The following TIE1 variants were observed in gnomAD, a reference collection of about 807,000 sequenced individuals.
TIE1 encodes tyrosine-protein kinase receptor Tie-1.
Under a neutral mutation model 130.5 loss-of-function variants are expected in TIE1, and 89 were observed. The observed-to-expected ratio is 0.68, with a 90% CI of 0.57 to 0.81. TIE1 has a LOEUF of 0.81. Among genes scored for constraint, TIE1 ranks in the 40% least tolerant of loss-of-function variants. The pLI is 0.00. For missense variants in TIE1, 1,392 were observed against 1,559.8 expected (o/e 0.89, Z 1.81); for synonymous variants, 568 against 629.4 (o/e 0.90, Z 1.46).
At chr1:43,314,124 A>T (rs748168119) in intron 14 of TIE1, 156 bp downstream of exon 14, 1 of 922,090 alleles carries the variant, frequency 1.1e-6, no homozygotes, top group East Asian at 2.7e-5. Flanking sequence ...AAGGGTACAA[A>T]ATATAATTTT....
rs1283969372 is a variant in TIE1, at chr1:43,316,218, C to G, written c.2410-981C>G. The stretch of plus-strand genomic sequence containing the variant: ...GTCCCAGATGCACGTGTCCCTATGC[C>G]TGTGCACCTTCAGGCCTGCATGTGT... On this transcript the variant is annotated intron_variant, in intron 14 of 22. Transcript: ENST00000372476. The surrounding 1 kb of genome is among the most constrained non-coding windows in gnomAD (Gnocchi z 4.4). Among the ~76,000 whole-genome samples the G allele has an allele frequency of 1.3e-5, 2 of 152,226 alleles. No individual in the cohort carries two copies. The highest frequency in any genetic ancestry group is 4.8e-5 in the African/African-American group (2 of 41,460).
In TIE1 at chr1:43,318,259, A is replaced by G. The variant is rs1646880891; in HGVS notation, c.2922+187A>G. Among the ~76,000 whole-genome samples, 1 of 152,136 alleles carries G rather than the reference A, an allele frequency of 6.6e-6. No individual in the cohort carries two copies. Among genetic ancestry groups the G allele is most frequent in the African/African-American group, 2.4e-5 (1 of 41,450 alleles). ...TCTGGAGGAGGTGGGGACTTCCAGT[A>G]TGGAGGGTGCGGGTGTTGAGTGAGC... On this transcript the variant is annotated intron_variant, in intron 17 of 22. Transcript: ENST00000372476. This position sits in a 1 kb window ranked among gnomAD's most constrained non-coding sequence, Gnocchi z 4.4.
chr1:43,313,242 G>A lies in TIE1; in HGVS notation c.2035G>A (p.Val679Met), dbSNP rs1473108002. The change falls in exon 13 of 23, where the codon GTG becomes ATG. Residue 679 changes from valine (V) to methionine (M), a missense_variant. Transcript: ENST00000372476. The surrounding 1 kb of genome is among the most constrained non-coding windows in gnomAD (Gnocchi z 6.2). ...ALPGPISKYVVEVQVAGGAGD... is the reference protein window; with the variant it reads ...ALPGPISKYVMEVQVAGGAGD... Reference sequence around the variant, plus strand: ...GCCTGGGCCAATATCCAAGTACGTTGTGGAGGTGCAGGTGGCTGGGGGTGC... The same window carrying A: ...GCCTGGGCCAATATCCAAGTACGTTATGGAGGTGCAGGTGGCTGGGGGTGC... The A allele has an allele frequency of 1.9e-6, 3 of 1,613,918 alleles. No individual in the cohort carries two copies. The highest frequency in any genetic ancestry group is 3.3e-5 in the Admixed American group (2 of 59,996).
chr1:43,319,564 G>A lies in TIE1; in HGVS notation c.3107+35G>A. 6.2e-7 allele frequency: 1 copy of A among 1,606,848 alleles called. No homozygotes were observed. Among genetic ancestry groups the A allele is most frequent in the South Asian group, 1.1e-5 (1 of 90,898 alleles). The stretch of plus-strand genomic sequence containing the variant: ...AGATGAGAGGGCACAGGAGGGCTTG[G>A]CCCCCAAGAATCACCCAGGCCTGAC... On this transcript the variant is annotated intron_variant, in intron 19 of 22. Transcript: ENST00000372476. The surrounding 1 kb of genome is among the most constrained non-coding windows in gnomAD (Gnocchi z 4.7).
At chr1:43,320,905 T>G (rs184813168) in intron 19 of TIE1, 57 of 179,298 alleles carry the variant, frequency 3.2e-4, no homozygotes, top group African/African-American at 1.2e-3. Context: ...TACAAAACAT[T>G]AGCTGAGCAT....
At position 43,307,427 on chromosome 1, in the gene TIE1, T is replaced by A; in HGVS notation, c.773-5T>A. 3.1e-6 allele frequency: 5 copies of A among 1,614,030 alleles called. No homozygotes were observed. The highest frequency in any genetic ancestry group is 4.2e-6 in the Non-Finnish European group (5 of 1,179,972). ...GCCCATACACCCCACACACTCTCTT[T>A]CTAGCCTGCAGAGAGGGCCGTTTTG... On this transcript the variant is annotated splice_region_variant and splice_polypyrimidine_tract_variant and intron_variant, in intron 5 of 22. Coordinates refer to ENST00000372476, the MANE Select transcript of TIE1 (RefSeq NM_005424.5). This position sits in a 1 kb window ranked among gnomAD's most constrained non-coding sequence, Gnocchi z 5.4.
intron 14 of TIE1, chr1:43,314,472 T>C (rs1646839782): frequency 6.8e-6 from 7 of 1,034,128 alleles, no homozygotes; most frequent in Non-Finnish European, 8.1e-6. Flanking sequence ...AGTAGGCCAG[T>C]CATGCTGTGA....
chr1:43,321,361 G>T (rs1216698703), intron 20 of TIE1, 35 bp from the exon 21 acceptor site: 3 of 1,613,792 alleles, frequency 1.9e-6, no homozygotes, highest in South Asian at 1.1e-5. Context: ...CCCACGTGGA[G>T]CCCTGGACCG....
chr1:43,307,163 G>T lies in TIE1; in HGVS notation c.662G>T (p.Gly221Val), dbSNP rs144340449. The T allele has an allele frequency of 1.2e-6, 2 of 1,613,964 alleles. No individual in the cohort carries two copies. Among genetic ancestry groups the T allele is most frequent in the Non-Finnish European group, 1.7e-6 (2 of 1,180,014 alleles). ...IVRGCGAGRWGPGCTKECPGC... is the reference protein window; with the variant it reads ...IVRGCGAGRWVPGCTKECPGC... ...CCAGGTTGTGGGGCTGGGCGCTGGGGGCCAGGCTGTACCAAGGAGTGCCCA... is the reference window on the plus strand; with the variant it reads ...CCAGGTTGTGGGGCTGGGCGCTGGGTGCCAGGCTGTACCAAGGAGTGCCCA... The change falls in exon 5 of 23, where the codon GGG becomes GTG. Residue 221 changes from glycine to valine, a missense_variant. Transcript: ENST00000372476. The surrounding 1 kb of genome is among the most constrained non-coding windows in gnomAD (Gnocchi z 5.4).
chr1:43,311,379 G>A (rs1413398642), intron 9 of TIE1, among the ~76,000 whole-genome samples: 1 of 151,868 alleles, frequency 6.6e-6, no homozygotes, highest in East Asian at 1.9e-4. Context: ...CTGGGTTTCG[G>A]CCCCTTCTGT....
At chr1:43,310,581 G>A (rs1449643820) in intron 9 of TIE1, among the ~76,000 whole-genome samples, 1 of 152,136 alleles carries the variant, frequency 6.6e-6, no homozygotes, top group African/African-American at 2.4e-5. Context: ...TCTCACATAT[G>A]ATCTGCAGCC....
chr1:43,307,184 G>A lies in TIE1; in HGVS notation c.683G>A (p.Cys228Tyr). 1 of 1,614,152 alleles carries A rather than the reference G, an allele frequency of 6.2e-7. No individual in the cohort carries two copies. The highest frequency in any genetic ancestry group is 8.5e-7 in the Non-Finnish European group (1 of 1,180,004). Reference protein sequence around the residue: ...GRWGPGCTKECPGCLHGGVCH... With the variant: ...GRWGPGCTKEYPGCLHGGVCH... ...TGGGGGCCAGGCTGTACCAAGGAGT[G>A]CCCAGGTTGCCTACATGGAGGTGTC... The change falls in exon 5 of 23, where the codon TGC becomes TAC. Residue 228 changes from cysteine (C) to tyrosine (Y), a missense_variant. Physicochemically the swap from Cys to Tyr is radical, Grantham distance 194 (BLOSUM62 -2). Around this residue, in one of 6 missense-constraint regions of TIE1, gnomAD observed 415 missense variants for 424.8 expected, o/e 0.98. Transcript: ENST00000372476. This position sits in a 1 kb window ranked among gnomAD's most constrained non-coding sequence, Gnocchi z 5.4.
In TIE1 at chr1:43,305,247, G is replaced by A; in HGVS notation, c.388G>A (p.Asp130Asn). The change falls in exon 3 of 23, where the codon GAC becomes AAC. Residue 130 changes from aspartate (D) to asparagine (N), a missense_variant. Asp to Asn is a conservative substitution (Grantham distance 23). This residue lies in a region of TIE1 where 415 missense variants were observed against 424.8 expected (regional missense o/e 0.98). Coordinates refer to ENST00000372476, the MANE Select transcript of TIE1 (RefSeq NM_005424.5). ...CCACCCCGCAGCCCACCTGCTTCCA[G>A]ACAAGGTCACACACACTGTGAACAA... ...HNSPGAHLLP[D>N]KVTHTVNKGD... The A allele has an allele frequency of 1.2e-6, 2 of 1,614,030 alleles. No individual in the cohort carries two copies. Among genetic ancestry groups the A allele is most frequent in the Non-Finnish European group, 1.7e-6 (2 of 1,179,946 alleles).
chr1:43,317,691 T>C lies in TIE1; in HGVS notation c.2731+17T>C, dbSNP rs1369565758. 3.2e-6 allele frequency: 5 copies of C among 1,554,504 alleles called. No individual in the cohort carries two copies. Among genetic ancestry groups the C allele is most frequent in the South Asian group, 1.2e-5 (1 of 81,736 alleles). ...AGAACCGAGGTGAGCCCCCAGCTCA[T>C]CACCTACCCCTTCTTCCAAACCCCC... On this transcript the variant is annotated intron_variant, in intron 16 of 22. Transcript: ENST00000372476. This position sits in a 1 kb window ranked among gnomAD's most constrained non-coding sequence, Gnocchi z 5.1.
chr1:43,311,719 G>T lies in TIE1; in HGVS notation c.1382G>T (p.Arg461Leu). 1.2e-6 allele frequency: 2 copies of T among 1,613,988 alleles called. No individual in the cohort carries two copies. Among genetic ancestry groups the T allele is most frequent in the Non-Finnish European group, 1.7e-6 (2 of 1,179,996 alleles). ...AAPRLLTKQS[R>L]QLVVSPLVSF... The stretch of plus-strand genomic sequence containing the variant: ...CCTCGGCTCCTGACCAAGCAGAGCC[G>T]CCAGCTTGTGGTCTCCCCGCTGGTC... Residue 461 changes from arginine to leucine, a missense_variant, in exon 10 of 23, where the codon CGC becomes CTC. Physicochemically the swap from Arg to Leu is moderately radical, Grantham distance 102 (BLOSUM62 -2). Transcript: ENST00000372476.
Position 43,306,195 on chromosome 1 carries a change from A to G in TIE1, c.485-645A>G, listed in dbSNP as rs1005270062. On this transcript the variant is annotated intron_variant, in intron 3 of 22. Coordinates refer to ENST00000372476, the MANE Select transcript of TIE1 (RefSeq NM_005424.5). The surrounding 1 kb of genome is among the most constrained non-coding windows in gnomAD (Gnocchi z 4.9). ...AATTGTGCTCAGAGGAGAAGTGGGAAGACAAAGAAGGCAGAAAAGGAAGGA... is the reference window on the plus strand; with the variant it reads ...AATTGTGCTCAGAGGAGAAGTGGGAGGACAAAGAAGGCAGAAAAGGAAGGA... 2.6e-5 allele frequency among the ~76,000 whole-genome samples: 4 copies of G among 152,218 alleles called. No individual in the cohort carries two copies. Among genetic ancestry groups the G allele is most frequent in the African/African-American group, 9.7e-5 (4 of 41,444 alleles).
rs201860562 is a variant in TIE1 at position 43,313,466 on chromosome 1, G to A, written c.2218+41G>A. 5.6e-6 allele frequency: 9 copies of A among 1,608,236 alleles called. No individual in the cohort carries two copies. The highest frequency in any genetic ancestry group is 3.3e-5 in the South Asian group (3 of 90,696). On this transcript the variant is annotated intron_variant, in intron 13 of 22. Coordinates refer to ENST00000372476, the MANE Select transcript of TIE1 (RefSeq NM_005424.5). The surrounding 1 kb of genome is among the most constrained non-coding windows in gnomAD (Gnocchi z 6.2). Reference sequence around the variant, plus strand: ...CCACAGGACCCCCCGGGCTCTGAGCGGGGAGAGCTCAGCACGCTCTCCTTC... The same window carrying A: ...CCACAGGACCCCCCGGGCTCTGAGCAGGGAGAGCTCAGCACGCTCTCCTTC...
At chr1:43,310,851 C>A (rs1646782724) in intron 9 of TIE1, among the ~76,000 whole-genome samples, 1 of 152,212 alleles carries the variant, frequency 6.6e-6, no homozygotes, top group South Asian at 2.1e-4. Context: ...GCCTGACACT[C>A]CCTCAGCTTA....
rs761703252 is a variant in TIE1 at position 43,312,511 on chromosome 1, G to C, written c.1837G>C (p.Gly613Arg). 3 of 1,613,296 alleles carry C rather than the reference G, an allele frequency of 1.9e-6. No homozygotes were observed. The highest frequency in any genetic ancestry group is 2.5e-6 in the Non-Finnish European group (3 of 1,179,890). Reference protein sequence around the residue: ...RTALLTGLTPGTHYQLDVQLY... With the variant: ...RTALLTGLTPRTHYQLDVQLY... ...TGCCCTCCTGACGGGACTCACGCCT[G>C]GCACCCACTACCAGCTGGATGTGCA... is the stretch of plus-strand genomic sequence containing the variant. The change falls in exon 12 of 23, where the codon GGC becomes CGC. Residue 613 changes from glycine to arginine, a missense_variant. Gly to Arg is a moderately radical substitution (Grantham distance 125). Transcript: ENST00000372476. The surrounding 1 kb of genome is among the most constrained non-coding windows in gnomAD (Gnocchi z 5.6).
Sources: allele counts gnomAD v4.1 joint callset (sites outside exome capture counted in the v4.1 genomes callset), GRCh38; gene constraint gnomAD v4.1.1; regional missense constraint gnomAD v4.1.1; non-coding constraint Gnocchi (gnomAD v3.1); transcripts MANE v1.5; gene names NCBI Gene and HGNC (gene_info 2026-07-23, HGNC 2026-07-21).